The following CERKL variants were observed in gnomAD, a reference collection of about 807,000 sequenced individuals.
CERKL encodes the protein CERK like autophagy regulator.
In CERKL, 61 loss-of-function variants were observed where a neutral mutation model predicts 63.4. That is an observed-to-expected ratio of 0.96 (90% CI 0.78 to 1.19). The LOEUF (loss-of-function observed/expected upper bound fraction) is 1.19. Ranked by LOEUF, CERKL falls within the 50% of genes most tolerant of loss-of-function variation. The pLI, the probability that CERKL is intolerant of heterozygous loss-of-function variation, is 0.00. For synonymous variants in CERKL, 250 were observed against 230.5 expected (o/e 1.08, Z -0.77); for missense variants, 675 against 655.5 (o/e 1.03, Z -0.33).
At chr2:181,544,565 G>T (rs748713352) in intron 11 of CERKL, 135 bp downstream of exon 11, 21 of 597,114 alleles carry the variant, frequency 3.5e-5, no homozygotes, top group Middle Eastern at 3.6e-4. Context: ...GAAATAGATT[G>T]GGAAAAAGAA....
chr2:181,643,182 T>C lies in CERKL; in HGVS notation c.238+13587A>G, dbSNP rs544566626. 5.3e-5 allele frequency among the ~76,000 whole-genome samples: 8 copies of C among 152,368 alleles called. No individual in the cohort carries two copies. The East Asian group carries it at 9.6e-4, about 18-fold the overall frequency. ...AAAATTCCCTAATGCCTAAAGGCCATAGAAATAGGTATTTTCTTTAAAATG... is the reference window on the plus strand; with the variant it reads ...AAAATTCCCTAATGCCTAAAGGCCACAGAAATAGGTATTTTCTTTAAAATG... On this transcript the variant is annotated intron_variant, in intron 1 of 12. Coordinates refer to ENST00000410087, the MANE Select transcript of CERKL (RefSeq NM_201548.5).
At chr2:181,542,325 C>A (rs374945380) in intron 11 of CERKL, among the ~76,000 whole-genome samples, 64 of 152,262 alleles carry the variant, frequency 4.2e-4, no homozygotes, top group Middle Eastern at 3.4e-3. Context: ...CTTATTCAAC[C>A]TGGTAAAAAT....
chr2:181,582,165 C>T (rs1300784033), intron 2 of CERKL, among the ~76,000 whole-genome samples: 2 of 152,208 alleles, frequency 1.3e-5, no homozygotes, highest in African/African-American at 4.8e-5. Flanking sequence ...GGCCATCACA[C>T]CTTGACAATT....
rs1013210316 is a variant in CERKL, at chr2:181,553,784, G to T, written c.821-4076C>A. On this transcript the variant is annotated intron_variant, in intron 5 of 12. Transcript: ENST00000410087. Reference sequence around the variant, plus strand: ...GTTTTTGACACTCTGAAGAAAAAAGGAAAGTTTATGAGAAAGTATATGTAA... The same window carrying T: ...GTTTTTGACACTCTGAAGAAAAAAGTAAAGTTTATGAGAAAGTATATGTAA... Among the ~76,000 whole-genome samples the T allele has an allele frequency of 2.0e-5, 3 of 152,120 alleles. No individual in the cohort carries two copies. In the South Asian group the frequency reaches 6.2e-4, roughly 31 times the overall value.
Position 181,656,920 on chromosome 2 carries a change from A to C in CERKL, c.87T>G (p.Pro29=). 6.3e-7 allele frequency: 1 copy of C among 1,598,550 alleles called. No individual in the cohort carries two copies. Among genetic ancestry groups the C allele is most frequent in the Non-Finnish European group, 8.5e-7 (1 of 1,171,640 alleles). Residue 29 remains proline (P), a synonymous_variant, in exon 1 of 13, where the codon CCT becomes CCG. Coordinates refer to ENST00000410087, the MANE Select transcript of CERKL (RefSeq NM_201548.5). ...EEAPPEAAAV[P]PALLTSPQQT... is the part of the protein sequence containing the mutation. ...GCTGCGGGGACGTTAACAGCGCCGGAGGCACAGCGGCAGCCTCCGGGGGCG... is the reference window on the plus strand; with the variant it reads ...GCTGCGGGGACGTTAACAGCGCCGGCGGCACAGCGGCAGCCTCCGGGGGCG...
chr2:181,601,468 G>A (rs1310431831), intron 2 of CERKL, among the ~76,000 whole-genome samples: 1 of 152,082 alleles, frequency 6.6e-6, no homozygotes, highest in Non-Finnish European at 1.5e-5. Context: ...GGCTGAGGCA[G>A]GGAGAATTGC....
intron 1 of CERKL, among the ~76,000 whole-genome samples, chr2:181,652,335 A>G (rs983711505): frequency 6.6e-6 from 1 of 152,194 alleles, no homozygotes; most frequent in Non-Finnish European, 1.5e-5. Context: ...CCAGAAATAA[A>G]TTTTTGCACC....
intron 1 of CERKL, among the ~76,000 whole-genome samples, chr2:181,628,990 C>G (rs992347431): frequency 1.2e-4 from 18 of 152,100 alleles, no homozygotes; most frequent in Non-Finnish European, 1.9e-4. Context: ...GTAGTAAAAG[C>G]TTAAATACTC....
intron 1 of CERKL, among the ~76,000 whole-genome samples, chr2:181,656,484 G>A (rs1388092016): frequency 6.6e-6 from 1 of 152,030 alleles, no homozygotes; most frequent in Non-Finnish European, 1.5e-5. Context: ...CTGAGCAAAA[G>A]CTGCTTGTGA....
In CERKL at chr2:181,558,441, G is replaced by C; in HGVS notation, c.820+125C>G. On this transcript the variant is annotated intron_variant, in intron 5 of 12. Coordinates refer to ENST00000410087, the MANE Select transcript of CERKL (RefSeq NM_201548.5). This position sits in a 1 kb window ranked among gnomAD's most constrained non-coding sequence, Gnocchi z 4.2. ...CAAAAGTCTCACATTTGCTAGTGGG[G>C]ATGCCAGAAGTCTGGATCTTTCAAA... 9.9e-7 allele frequency: 1 copy of C among 1,013,004 alleles called. No homozygotes were observed. Among genetic ancestry groups the C allele is most frequent in the South Asian group, 1.3e-5 (1 of 77,330 alleles). 62.8% of individuals were successfully genotyped at this position (1,013,004 alleles called of 1,614,324 possible).
intron 1 of CERKL, among the ~76,000 whole-genome samples, chr2:181,605,220 G>A (rs552652943): frequency 6.6e-6 from 1 of 152,170 alleles, no homozygotes; most frequent in Non-Finnish European, 1.5e-5. Context: ...AGGAATCCTG[G>A]TGGGGCCTGG....
rs1311009440 is a variant in CERKL at position 181,537,167 on chromosome 2, G to A, written c.*1017C>T. On this transcript the variant is annotated 3_prime_UTR_variant, in exon 13 of 13. Coordinates refer to ENST00000410087, the MANE Select transcript of CERKL (RefSeq NM_201548.5). Reference sequence around the variant, plus strand: ...TATAAAAAGGCTAGTCATTCTTTCAGGAGAACATCTAGGATCATAGATGAA... The same window carrying A: ...TATAAAAAGGCTAGTCATTCTTTCAAGAGAACATCTAGGATCATAGATGAA... 2.2e-6 allele frequency: 1 copy of A among 453,888 alleles called. No individual in the cohort carries two copies. Among genetic ancestry groups the A allele is most frequent in the East Asian group, 6.9e-5 (1 of 14,394 alleles). 28.1% of individuals were successfully genotyped at this position (453,888 alleles called of 1,614,324 possible). A position where few individuals can be genotyped will look rare whatever the true frequency, so the allele number is the denominator to read the frequency against.
intron 5 of CERKL, among the ~76,000 whole-genome samples, chr2:181,557,390 T>A (rs1007083287): frequency 6.6e-6 from 1 of 152,240 alleles, no homozygotes; most frequent in Non-Finnish European, 1.5e-5. Context: ...TGTTTAAGTC[T>A]TTAATCCATC....
At chr2:181,625,299 T>C (rs1238662756) in intron 1 of CERKL, among the ~76,000 whole-genome samples, 1 of 150,744 alleles carries the variant, frequency 6.6e-6, no homozygotes, top group African/African-American at 2.4e-5. Context: ...CACAGGAGAT[T>C]CAAGAAGGAA....
chr2:181,625,831 G>A (rs970849237), intron 1 of CERKL, among the ~76,000 whole-genome samples: 7 of 151,976 alleles, frequency 4.6e-5, no homozygotes, highest in Admixed American at 2.0e-4. Context: ...GAGAAACAGG[G>A]GCAAACAAAA....
At chr2:181,590,200 C>T (rs1029026039) in intron 2 of CERKL, among the ~76,000 whole-genome samples, 3 of 151,522 alleles carry the variant, frequency 2.0e-5, no homozygotes, top group Admixed American at 6.6e-5. Context: ...TGCAGTGGCA[C>T]GATCTTGACT....
At chr2:181,594,024 A>G (rs1317007697) in intron 2 of CERKL, among the ~76,000 whole-genome samples, 2 of 152,166 alleles carry the variant, frequency 1.3e-5, no homozygotes, top group African/African-American at 2.4e-5. Flanking sequence ...ATTGACCACA[A>G]TAAAAGTGCT....
At position 181,587,448 on chromosome 2, in the gene CERKL, G is replaced by A. The variant is rs531011206; in HGVS notation, c.482-13564C>T. Among the ~76,000 whole-genome samples the A allele has an allele frequency of 7.6e-4, 115 of 152,118 alleles. 2 individuals are homozygous for A. Among genetic ancestry groups the A allele is most frequent in the Non-Finnish European group, 9.3e-4 (63 of 68,000 alleles). On this transcript the variant is annotated intron_variant, in intron 2 of 12. Transcript: ENST00000410087. ...GCGAAGAAGAAAAATTCAGCCAAAT[G>A]TGTCATCCATATATCTTTATCATTT...
At chr2:181,621,559 C>T (rs1448726352) in intron 1 of CERKL, among the ~76,000 whole-genome samples, 1 of 152,174 alleles carries the variant, frequency 6.6e-6, no homozygotes, top group Non-Finnish European at 1.5e-5. Context: ...ACAAGTGTGT[C>T]TCCACTTTAT....
Sources: allele counts gnomAD v4.1 joint callset (sites outside exome capture counted in the v4.1 genomes callset), GRCh38; gene constraint gnomAD v4.1.1; non-coding constraint Gnocchi (gnomAD v3.1); transcripts MANE v1.5; gene names NCBI Gene and HGNC (gene_info 2026-07-23, HGNC 2026-07-21).